TNPO3: variants seen among roughly 807,000 people sequenced by gnomAD.
The protein encoded by TNPO3 is transportin 3.
A neutral mutation model predicts 122.8 loss-of-function variants in TNPO3; 65 were observed. The observed-to-expected ratio is 0.53, with a 90% CI of 0.43 to 0.65. TNPO3 has a LOEUF of 0.65. Ranked by LOEUF, TNPO3 falls within the 30% of genes least tolerant of loss-of-function variation. The pLI is 0.00. For missense variants in TNPO3, 850 were observed against 1,136.7 expected, an observed-to-expected ratio of 0.75 and a Z score of 3.63; for synonymous variants, 372 against 411.2, an observed-to-expected ratio of 0.90 and a Z score of 1.15.
At chr7:129,004,087 C>T (rs376116238) in intron 5 of TNPO3, among the ~76,000 whole-genome samples, 57 of 152,262 alleles carry the variant, frequency 3.7e-4, no homozygotes, top group African/African-American at 1.2e-3. Context: ...GATTGGCATC[C>T]TAATTTTCCT....
chr7:129,012,477 T>A (rs1397342787), intron 4 of TNPO3, among the ~76,000 whole-genome samples: 1 of 152,208 alleles, frequency 6.6e-6, no homozygotes, highest in Non-Finnish European at 1.5e-5. Flanking sequence ...AATCCAAAAC[T>A]TTTTGAGTGC....
chr7:128,975,359 ATTC>A (rs1332924756), intron 17 of TNPO3, among the ~76,000 whole-genome samples: 1 of 152,216 alleles, frequency 6.6e-6, no homozygotes, highest in Non-Finnish European at 1.5e-5. Context: ...AAGAAACAAC[ATTC>A]TTCAACTCAA....
chr7:128,972,397 A>G (rs185718250), intron 19 of TNPO3, 29 bp downstream of exon 19: 2 of 1,594,148 alleles, frequency 1.3e-6, no homozygotes, highest in East Asian at 4.5e-5. Context: ...AAAGCTGTTA[A>G]GTAGAAATGG....
At chr7:129,018,375 G>C (rs1804077802) in intron 1 of TNPO3, among the ~76,000 whole-genome samples, 1 of 152,152 alleles carries the variant, frequency 6.6e-6, no homozygotes, top group Non-Finnish European at 1.5e-5. Flanking sequence ...TTCTAGGAAG[G>C]CATGAGAGCT....
chr7:129,001,010 G>T, intron 6 of TNPO3, 49 bp downstream of exon 6: 2 of 1,581,862 alleles, frequency 1.3e-6, no homozygotes, highest in South Asian at 2.2e-5. Flanking sequence ...TTAAAAGAAT[G>T]ACCAGACTGT....
chr7:128,963,405 A>C (rs1797652499), intron 21 of TNPO3, among the ~76,000 whole-genome samples: 1 of 152,226 alleles, frequency 6.6e-6, no homozygotes, highest in African/African-American at 2.4e-5. Context: ...GAGAGAAGCA[A>C]CTACTACACT....
At chr7:128,965,529 T>C (rs546494845) in intron 21 of TNPO3, among the ~76,000 whole-genome samples, 4 of 152,300 alleles carry the variant, frequency 2.6e-5, no homozygotes, top group African/African-American at 9.6e-5. Flanking sequence ...GAAAACAGTA[T>C]GATGGTTCTT....
chr7:129,032,884 T>C (rs566024479), intron 1 of TNPO3, among the ~76,000 whole-genome samples: 47 of 152,202 alleles, frequency 3.1e-4, no homozygotes, highest in African/African-American at 1.1e-3. Context: ...AGACCCCAAA[T>C]AGCCAAAACA....
intron 4 of TNPO3, 37 bp from the exon 5 acceptor site, chr7:129,005,196 A>G: frequency 6.4e-7 from 1 of 1,562,498 alleles, no homozygotes; most frequent in Non-Finnish European, 8.8e-7. Flanking sequence ...AATAATGTTA[A>G]TCTATATATT....
intron 16 of TNPO3, among the ~76,000 whole-genome samples, chr7:128,977,021 C>T (rs1230743268): frequency 6.6e-6 from 1 of 152,032 alleles, no homozygotes; most frequent in Non-Finnish European, 1.5e-5. Context: ...ACAAAAATGA[C>T]CAATAGATAA....
rs377605146 is a variant in TNPO3 at position 129,024,638 on chromosome 7, G to A, written c.121-6481C>T. ...AGCAGCTAATTTGCCGGAAAAACAA[G>A]GGAGAGTAGAACTGAATCATGACAA... On this transcript the variant is annotated intron_variant, in intron 1 of 22. Transcript: ENST00000265388. Among the ~76,000 whole-genome samples, 34 of 152,230 alleles carry A rather than the reference G, an allele frequency of 2.2e-4. 1 individual carries two copies. In the South Asian group the frequency reaches 4.4e-3, roughly 19 times the overall value.
intron 16 of TNPO3, 44 bp from the exon 17 acceptor site, chr7:128,975,979 A>G: frequency 7.2e-7 from 1 of 1,380,388 alleles, no homozygotes; most frequent in Non-Finnish European, 1.0e-6. Context: ...CGTCCTTCAA[A>G]AAGTACCAAC....
At chr7:129,041,556 C>G in intron 1 of TNPO3, 1 of 985,392 alleles carries the variant, frequency 1.0e-6, no homozygotes, top group Non-Finnish European at 1.2e-6. Flanking sequence ...AAAGCACTTA[C>G]ACTTCATAGG....
chr7:129,012,130 C>T (rs564352267), intron 4 of TNPO3, among the ~76,000 whole-genome samples: 45 of 151,504 alleles, frequency 3.0e-4, no homozygotes, highest in South Asian at 2.3e-3. Flanking sequence ...CTCAGCCTCC[C>T]GACTAGCTGG....
chr7:128,999,232 C>A (rs995447190), intron 7 of TNPO3, among the ~76,000 whole-genome samples: 1 of 152,170 alleles, frequency 6.6e-6, no homozygotes, highest in African/African-American at 2.4e-5. Context: ...CTTGGCAAAC[C>A]ATCTGTAACT....
At chr7:129,003,738 G>A (rs920172484) in intron 5 of TNPO3, among the ~76,000 whole-genome samples, 1 of 152,078 alleles carries the variant, frequency 6.6e-6, no homozygotes, top group African/African-American at 2.4e-5. Context: ...GTAAAAATAA[G>A]AATATATTTT....
chr7:129,045,224 G>A (rs1425472433), intron 1 of TNPO3, among the ~76,000 whole-genome samples: 1 of 152,144 alleles, frequency 6.6e-6, no homozygotes, highest in Non-Finnish European at 1.5e-5. Flanking sequence ...CACCTATTTT[G>A]TTTAGTGGGC....
At chr7:128,991,859 G>A in intron 10 of TNPO3, 140 bp downstream of exon 10, 1 of 452,856 alleles carries the variant, frequency 2.2e-6, no homozygotes, top group Admixed American at 4.1e-5. Context: ...GACTCTAGAA[G>A]TCAGAAGACT....
intron 1 of TNPO3, among the ~76,000 whole-genome samples, chr7:129,044,396 T>C (rs998826226): frequency 2.6e-5 from 4 of 152,210 alleles, no homozygotes; most frequent in African/African-American, 9.6e-5. Context: ...GAAAAAAGAA[T>C]TGTGCTGTGG....
Sources: allele counts gnomAD v4.1 joint callset (sites outside exome capture counted in the v4.1 genomes callset), GRCh38; gene constraint gnomAD v4.1.1; transcripts MANE v1.5; gene names NCBI Gene and HGNC (gene_info 2026-07-23, HGNC 2026-07-21).